Variants in GAS7 observed in about 807,000 individuals in gnomAD.
The protein encoded by GAS7 is growth arrest-specific protein 7.
In GAS7, 28 loss-of-function variants were observed where a neutral mutation model predicts 71.1. That is an observed-to-expected ratio of 0.39 (90% CI 0.29 to 0.54). GAS7 has a LOEUF of 0.54. Among genes scored for constraint, GAS7 ranks in the 20% least tolerant of loss-of-function variants. The probability of loss-of-function intolerance (pLI) is 0.62; values close to 1 mark genes in which losing one functional copy is unlikely to be tolerated. For synonymous variants in GAS7, 258 were observed against 245.8 expected, an observed-to-expected ratio of 1.05 and a Z score of -0.46; for missense variants, 436 against 627.8, an observed-to-expected ratio of 0.69 and a Z score of 3.27.
chr17:10,131,086 G>C (rs11657633), intron 1 of GAS7, among the ~76,000 whole-genome samples: 1 of 152,150 alleles, frequency 6.6e-6, no homozygotes, highest in South Asian at 2.1e-4. Context: ...CCCAAGCCAA[G>C]GCCACGACTA....
At chr17:9,934,315 AC>A in intron 8 of GAS7, 71 bp from the exon 9 acceptor site, 1 of 1,044,440 alleles carries the variant, frequency 9.6e-7, no homozygotes, top group Non-Finnish European at 1.5e-6. Flanking sequence ...GTGGGGCTCC[AC>A]CCCAGGTCTC....
intron 3 of GAS7, among the ~76,000 whole-genome samples, chr17:9,977,279 G>A (rs73974358): frequency 0.067 from 10,217 of 152,218 alleles, 381 homozygotes; most frequent in African/African-American, 0.1. Flanking sequence ...ATGGCTAGTG[G>A]CTACCATATT....
chr17:10,165,307 A>C (rs913867716), intron 1 of GAS7, among the ~76,000 whole-genome samples: 3 of 151,484 alleles, frequency 2.0e-5, no homozygotes, highest in Non-Finnish European at 2.9e-5. Context: ...AAAAAAAAAA[A>C]AAAAGAAAAC....
chr17:10,134,059 C>T (rs1452772236), intron 1 of GAS7, among the ~76,000 whole-genome samples: 2 of 149,458 alleles, frequency 1.3e-5, no homozygotes, highest in Non-Finnish European at 3.0e-5. Context: ...AGATGGGAGT[C>T]TCGCTCTATC....
In GAS7 at chr17:9,911,119, C is replaced by T. The variant is rs976679571; in HGVS notation, c.*6109G>A. ...GGCCCCTGTCACTAAGGATGGCTGG[C>T]GTCCCTTTGAATGTCTGTCCCTGGG... On this transcript the variant is annotated 3_prime_UTR_variant, in exon 14 of 14. Coordinates refer to ENST00000432992, the MANE Select transcript of GAS7 (RefSeq NM_201433.2). The surrounding 1 kb of genome is among the most constrained non-coding windows in gnomAD (Gnocchi z 4.0). 8 of 232,946 alleles carry T rather than the reference C, an allele frequency of 3.4e-5. No homozygotes were observed. Among genetic ancestry groups the T allele is most frequent in the Admixed American group, 1.7e-4 (3 of 17,760 alleles). The allele number at this position is 232,946 out of a possible 1,614,324, so 14.4% of individuals were successfully genotyped here. A position where few individuals can be genotyped will look rare whatever the true frequency, so the allele number is the denominator to read the frequency against.
At chr17:10,007,060 A>G (rs906408176) in intron 2 of GAS7, among the ~76,000 whole-genome samples, 35 of 152,234 alleles carry the variant, frequency 2.3e-4, no homozygotes, top group African/African-American at 8.4e-4. Context: ...AATTGGATTT[A>G]AATTTGTTCT....
In GAS7 at chr17:9,919,969, T is replaced by TTATGTGTGTG. The variant is rs762410053; in HGVS notation, c.1139-265_1139-264insCACACACATA. 1.5e-5 allele frequency among the ~76,000 whole-genome samples: 2 copies of TTATGTGTGTG among 131,398 alleles called. No individual in the cohort carries two copies. The highest frequency in any genetic ancestry group is 4.7e-4 in the East Asian group (2 of 4,268). The allele number at this position is 131,398 out of a possible 152,430, so 86.2% of individuals were successfully genotyped here. ...AGGATTCAGGATGGTGGTTCTCATT[T>TTATGTGTGTG]TGTGTGTGTGTGTGTGTGTGTGTGT... On this transcript the variant is annotated intron_variant, in intron 11 of 13. Transcript: ENST00000432992. This position sits in a 1 kb window ranked among gnomAD's most constrained non-coding sequence, Gnocchi z 5.0.
chr17:10,039,436 C>T (rs969905557), intron 1 of GAS7, among the ~76,000 whole-genome samples: 1 of 152,074 alleles, frequency 6.6e-6, no homozygotes, highest in African/African-American at 2.4e-5. Context: ...AATCCCAACA[C>T]TTTGGAAGGC....
intron 7 of GAS7, among the ~76,000 whole-genome samples, chr17:9,941,765 A>G (rs936597185): frequency 2.2e-4 from 33 of 152,138 alleles, no homozygotes; most frequent in African/African-American, 7.7e-4. Flanking sequence ...GAGCTGTGCA[A>G]CCTCTCCGTT....
At chr17:10,185,604 G>A (rs2074446090) in intron 1 of GAS7, among the ~76,000 whole-genome samples, 1 of 152,124 alleles carries the variant, frequency 6.6e-6, no homozygotes, top group Non-Finnish European at 1.5e-5. Flanking sequence ...TCAAACCCAA[G>A]CAGGGAGCAG....
In GAS7 at chr17:10,198,563, GC is replaced by G. The variant is rs2074558589; in HGVS notation, c.-174del. The G allele has an allele frequency of 5.1e-6, 2 of 394,904 alleles. No individual in the cohort carries two copies. Among genetic ancestry groups the G allele is most frequent in the African/African-American group, 2.1e-5 (1 of 47,530 alleles). The allele number at this position is 394,904 out of a possible 1,614,324, so 24.5% of individuals were successfully genotyped here. A position where few individuals can be genotyped will look rare whatever the true frequency, so the allele number is the denominator to read the frequency against. ...GGCAGGCGGGGGACGCGCGCTCCGC[GC>G]CGGGAAGCAGAGACTCGTTGGCTTC... On this transcript the variant is annotated 5_prime_UTR_variant, in exon 1 of 14. Coordinates refer to ENST00000432992, the MANE Select transcript of GAS7 (RefSeq NM_201433.2).
chr17:10,129,347 C>A (rs1463587430), intron 1 of GAS7, among the ~76,000 whole-genome samples: 1 of 152,106 alleles, frequency 6.6e-6, no homozygotes, highest in Non-Finnish European at 1.5e-5. Flanking sequence ...CCAGCCTGGG[C>A]AACGCAGGAA....
At chr17:10,153,210 A>AAC (rs1555537831) in intron 1 of GAS7, among the ~76,000 whole-genome samples, 2 of 145,274 alleles carry the variant, frequency 1.4e-5, no homozygotes, top group Non-Finnish European at 3.0e-5. Flanking sequence ...CCTCCGTCTC[A>AAC]AAAAAAAAAC....
chr17:9,952,493 G>T (rs1838029467), intron 5 of GAS7, among the ~76,000 whole-genome samples: 2 of 152,146 alleles, frequency 1.3e-5, no homozygotes, highest in African/African-American at 4.8e-5. Context: ...CCGGGTTCAA[G>T]CGATTCTCCT....
At chr17:10,167,482 C>T (rs1395814309) in intron 1 of GAS7, among the ~76,000 whole-genome samples, 1 of 152,278 alleles carries the variant, frequency 6.6e-6, no homozygotes, top group Non-Finnish European at 1.5e-5. Context: ...ATGGGCTGGG[C>T]TGTAAGGGCC....
intron 2 of GAS7, among the ~76,000 whole-genome samples, chr17:9,987,146 C>A (rs1366772099): frequency 6.6e-6 from 1 of 152,358 alleles, no homozygotes; most frequent in South Asian, 2.1e-4. Flanking sequence ...CTCTGGACGT[C>A]CATCCCTGTG....
chr17:10,003,190 G>C (rs1041555085), intron 2 of GAS7, among the ~76,000 whole-genome samples: 2 of 152,174 alleles, frequency 1.3e-5, no homozygotes, highest in Non-Finnish European at 2.9e-5. Flanking sequence ...TTGATCTGGG[G>C]ATGAGAAAGT....
rs1597459730 is a variant in GAS7 at position 9,926,860 on chromosome 17, C to A, written c.886-91G>T. On this transcript the variant is annotated intron_variant, in intron 9 of 13. Coordinates refer to ENST00000432992, the MANE Select transcript of GAS7 (RefSeq NM_201433.2). This position sits in a 1 kb window ranked among gnomAD's most constrained non-coding sequence, Gnocchi z 5.0. ...AGGGATGGGAGGGGCACCCCCACTT[C>A]CCCAGGCAAGTGAGGATGAGTCTGG... 4 of 1,382,004 alleles carry A rather than the reference C, an allele frequency of 2.9e-6. No homozygotes were observed. In the South Asian group the frequency reaches 4.7e-5, roughly 16 times the overall value. The allele number at this position is 1,382,004 out of a possible 1,614,324, so 85.6% of individuals were successfully genotyped here. A position where few individuals can be genotyped will look rare whatever the true frequency, so the allele number is the denominator to read the frequency against.
intron 1 of GAS7, among the ~76,000 whole-genome samples, chr17:10,183,013 T>A (rs1052149193): frequency 1.3e-5 from 2 of 152,128 alleles, no homozygotes; most frequent in Non-Finnish European, 2.9e-5. Flanking sequence ...TAAGACTAAT[T>A]AGCCCAGCCT....
Sources: allele counts gnomAD v4.1 joint callset (sites outside exome capture counted in the v4.1 genomes callset), GRCh38; gene constraint gnomAD v4.1.1; non-coding constraint Gnocchi (gnomAD v3.1); transcripts MANE v1.5; gene names NCBI Gene and HGNC (gene_info 2026-07-23, HGNC 2026-07-21).